Variants in EFCAB6 observed in about 807,000 individuals in gnomAD.
The protein encoded by EFCAB6 is EF-hand calcium-binding domain-containing protein 6.
EFCAB6 carries 156 observed loss-of-function variants against 169.8 expected under a neutral mutation model. That is an observed-to-expected ratio of 0.92 (90% confidence interval 0.81 to 1.05). EFCAB6 has a LOEUF of 1.05. Ranked by LOEUF, EFCAB6 falls within the 50% of genes least tolerant of loss-of-function variation. The pLI is 0.00. For synonymous variants in EFCAB6, 698 were observed against 676.4 expected (o/e 1.03, Z -0.50); for missense variants, 1,800 against 1,829.1 (o/e 0.98, Z 0.29).
chr22:43,734,902 A>T (rs916404837), intron 7 of EFCAB6, among the ~76,000 whole-genome samples: 1 of 152,176 alleles, frequency 6.6e-6, no homozygotes, highest in African/African-American at 2.4e-5. Context: ...CATTGTCTTT[A>T]TGAGATACAA....
intron 1 of EFCAB6, among the ~76,000 whole-genome samples, chr22:43,810,815 A>C (rs918991403): frequency 6.6e-6 from 1 of 152,236 alleles, no homozygotes; most frequent in Non-Finnish European, 1.5e-5. Flanking sequence ...TAAAATCCTC[A>C]TCCTCAAAGG....
intron 6 of EFCAB6, among the ~76,000 whole-genome samples, chr22:43,748,129 C>T (rs2060628427): frequency 1.3e-5 from 2 of 152,168 alleles, no homozygotes; most frequent in Admixed American, 6.5e-5. Flanking sequence ...CCGATGACTT[C>T]CAAGCCTGGT....
chr22:43,594,275 C>CAAAAAAAAAAAAAAAAAAA, intron 23 of EFCAB6, among the ~76,000 whole-genome samples: 1 of 81,494 alleles, frequency 1.2e-5, no homozygotes, highest in Non-Finnish European at 2.4e-5. Flanking sequence ...AACTCTGTTT[C>CAAAAAAAAAAAAAAAAAAA]AAAAAAAAAA....
chr22:43,804,133 T>C (rs1029720101), intron 2 of EFCAB6, among the ~76,000 whole-genome samples: 1 of 152,080 alleles, frequency 6.6e-6, no homozygotes, highest in Admixed American at 6.5e-5. Context: ...TCTTTTATGA[T>C]CACAATGGAA....
At chr22:43,773,639 G>A (rs1305133386) in intron 3 of EFCAB6, among the ~76,000 whole-genome samples, 2 of 152,232 alleles carry the variant, frequency 1.3e-5, no homozygotes, top group Non-Finnish European at 2.9e-5. Flanking sequence ...CCTGAGGTCA[G>A]GAGTTCGAGA....
At chr22:43,810,119 T>A (rs564263936) in intron 1 of EFCAB6, among the ~76,000 whole-genome samples, 2 of 152,206 alleles carry the variant, frequency 1.3e-5, no homozygotes, top group South Asian at 4.1e-4. Flanking sequence ...CCTCAAGCGA[T>A]CCTCCTGCCT....
intron 1 of EFCAB6, among the ~76,000 whole-genome samples, chr22:43,811,815 G>A (rs1374589981): frequency 6.6e-6 from 1 of 152,200 alleles, no homozygotes; most frequent in African/African-American, 2.4e-5. Flanking sequence ...GAGACATGTT[G>A]TAAACTGGAG....
intron 27 of EFCAB6, 91 bp downstream of exon 27, chr22:43,554,778 G>A: frequency 9.2e-7 from 1 of 1,082,832 alleles, no homozygotes; most frequent in East Asian, 2.4e-5. Flanking sequence ...TAAAAATAGA[G>A]AACAGTCTTA....
chr22:43,548,766 C>T (rs900308565), intron 27 of EFCAB6, among the ~76,000 whole-genome samples: 4 of 151,914 alleles, frequency 2.6e-5, no homozygotes, highest in African/African-American at 4.8e-5. Context: ...AAAAGGACAA[C>T]GAGTTTTTGA....
chr22:43,652,611 TTA>T (rs1190808329), intron 17 of EFCAB6, among the ~76,000 whole-genome samples: 1 of 152,114 alleles, frequency 6.6e-6, no homozygotes, highest in African/African-American at 2.4e-5. Flanking sequence ...TGGACTAAGG[TTA>T]TGAGTCCCCA....
intron 17 of EFCAB6, among the ~76,000 whole-genome samples, chr22:43,640,006 A>G (rs1342990685): frequency 6.6e-6 from 1 of 152,016 alleles, no homozygotes; most frequent in African/African-American, 2.4e-5. Flanking sequence ...TATAATTTCT[A>G]TTTCTCTGCT....
intron 13 of EFCAB6, among the ~76,000 whole-genome samples, chr22:43,676,585 A>AT (rs2057773444): frequency 6.6e-6 from 1 of 152,084 alleles, no homozygotes; most frequent in Non-Finnish European, 1.5e-5. Context: ...AGTTTGGCAT[A>AT]TTTTCTAATC....
At chr22:43,655,520 CAA>C (rs137753) in intron 17 of EFCAB6, among the ~76,000 whole-genome samples, 95 of 116,396 alleles carry the variant, frequency 8.2e-4, no homozygotes, top group East Asian at 6.9e-3. Context: ...GACCCTGTCT[CAA>C]AAAAAAAAAA....
At chr22:43,635,017 C>T (rs1029100506) in intron 18 of EFCAB6, 85 bp downstream of exon 18, 34 of 1,052,062 alleles carry the variant, frequency 3.2e-5, no homozygotes, top group Admixed American at 1.8e-4. Context: ...TACTTCAACC[C>T]GAGTGGCCTG....
chr22:43,615,247 G>A (rs1303738130), intron 21 of EFCAB6, among the ~76,000 whole-genome samples: 1 of 152,150 alleles, frequency 6.6e-6, no homozygotes, highest in African/African-American at 2.4e-5. Flanking sequence ...GGACAAACTC[G>A]GTTTTGCACA....
intron 17 of EFCAB6, among the ~76,000 whole-genome samples, chr22:43,646,329 T>A (rs1602917810): frequency 6.6e-6 from 1 of 152,312 alleles, no homozygotes; most frequent in South Asian, 2.1e-4. Context: ...CATATAAATG[T>A]AATGTAAGTC....
chr22:43,772,876 G>A lies in EFCAB6; in HGVS notation c.351+16C>T. On this transcript the variant is annotated intron_variant, in intron 4 of 31. Coordinates refer to ENST00000262726, the MANE Select transcript of EFCAB6 (RefSeq NM_022785.4). ...TCTGGAATTGAGGGATTCTAAGTAT[G>A]TACAACATACAGCACCTGAGCCAAC... 6.2e-7 allele frequency: 1 copy of A among 1,613,902 alleles called. No homozygotes were observed. Among genetic ancestry groups the A allele is most frequent in the Non-Finnish European group, 8.5e-7 (1 of 1,179,854 alleles).
At chr22:43,586,900 C>A (rs900377606) in intron 24 of EFCAB6, among the ~76,000 whole-genome samples, 2 of 152,064 alleles carry the variant, frequency 1.3e-5, no homozygotes, top group Non-Finnish European at 1.5e-5. Flanking sequence ...GGACCGCTGG[C>A]ATAAACTCCG....
rs1220312290 is a variant in EFCAB6 at position 43,628,885 on chromosome 22, C to T, written c.2233-2206G>A. ...CCTAGAACATAAGCATGAGTCTGGGCTCTGATCTGTTCCCTGTTGCAGCTC... is the reference window on the plus strand; with the variant it reads ...CCTAGAACATAAGCATGAGTCTGGGTTCTGATCTGTTCCCTGTTGCAGCTC... On this transcript the variant is annotated intron_variant, in intron 19 of 31. Coordinates refer to ENST00000262726, the MANE Select transcript of EFCAB6 (RefSeq NM_022785.4). This position sits in a 1 kb window ranked among gnomAD's most constrained non-coding sequence, Gnocchi z 4.8. 6.6e-6 allele frequency among the ~76,000 whole-genome samples: 1 copy of T among 152,218 alleles called. No homozygotes were observed. Among genetic ancestry groups the T allele is most frequent in the Non-Finnish European group, 1.5e-5 (1 of 68,042 alleles).
Sources: allele counts gnomAD v4.1 joint callset (sites outside exome capture counted in the v4.1 genomes callset), GRCh38; gene constraint gnomAD v4.1.1; non-coding constraint Gnocchi (gnomAD v3.1); transcripts MANE v1.5; gene names NCBI Gene and HGNC (gene_info 2026-07-23, HGNC 2026-07-21).